Variants in R3HDM4 observed in about 807,000 individuals in gnomAD.
R3HDM4 encodes R3H domain-containing protein 4.
Under a neutral mutation model 31.3 loss-of-function variants are expected in R3HDM4, and 30 were observed. That is an observed-to-expected ratio of 0.96 (90% CI 0.72 to 1.30). The LOEUF (loss-of-function observed/expected upper bound fraction) is 1.30. Among genes scored for constraint, R3HDM4 ranks in the 50% most tolerant of loss-of-function variants. R3HDM4 has a pLI of 0.00. For missense variants in R3HDM4, 444 were observed against 366.1 expected (o/e 1.21, Z -1.74); for synonymous variants, 196 against 156.6 (o/e 1.25, Z -1.88).
At position 899,498 on chromosome 19, in the gene R3HDM4, G is replaced by A. The variant is rs2036794081; in HGVS notation, c.648-3C>T. The A allele has an allele frequency of 6.2e-7, 1 of 1,613,674 alleles. No individual in the cohort carries two copies. The highest frequency in any genetic ancestry group is 1.3e-5 in the African/African-American group (1 of 75,040). ...CGTGCAGCAGAAGCCTCTCGAAGCT[G>A]TGGGGAACGGGCAGTGAGCGCCGTG... On this transcript the variant is annotated splice_region_variant and splice_polypyrimidine_tract_variant and intron_variant, in intron 6 of 7. Coordinates refer to ENST00000361574, the MANE Select transcript of R3HDM4 (RefSeq NM_138774.4). This position sits in a 1 kb window ranked among gnomAD's most constrained non-coding sequence, Gnocchi z 6.8.
At position 900,944 on chromosome 19, in the gene R3HDM4, G is replaced by C. The variant is rs763841443; in HGVS notation, c.360C>G (p.Asn120Lys). 6.3e-7 allele frequency: 1 copy of C among 1,598,542 alleles called. No homozygotes were observed. The highest frequency in any genetic ancestry group is 1.1e-5 in the South Asian group (1 of 89,820). The change falls in exon 4 of 8, where the codon AAC becomes AAG. Residue 120 changes from asparagine (N) to lysine (K), a missense_variant. Coordinates refer to ENST00000361574, the MANE Select transcript of R3HDM4 (RefSeq NM_138774.4). ...CCTCCCCGGAGCGGTTCATGAAATC[G>C]TTCCAGACCTGGAAGAGAGGCAGGG... The part of the protein sequence containing the change: ...CNNATYVEVW[N>K]DFMNRSGEEQ...
rs143523549 is a variant in R3HDM4 at position 909,612 on chromosome 19, A to G, written c.71+3475T>C. Among the ~76,000 whole-genome samples the G allele has an allele frequency of 7.7e-3, 1,173 of 152,098 alleles. 15 individuals are homozygous for G. The highest frequency in any genetic ancestry group is 0.025 in the African/African-American group (1,055 of 41,510). ...GGAGTTTGAGACCAGCCTGACCAAC[A>G]TAGTGAAACCCCGTCTCTACTAAAA... On this transcript the variant is annotated intron_variant, in intron 1 of 7. Coordinates refer to ENST00000361574, the MANE Select transcript of R3HDM4 (RefSeq NM_138774.4).
chr19:905,522 A>C (rs11881801), intron 1 of R3HDM4, among the ~76,000 whole-genome samples: 4 of 128,778 alleles, frequency 3.1e-5, no homozygotes, highest in Admixed American at 2.4e-4. Flanking sequence ...AAAAAAAAAA[A>C]CAAAACAAAA....
chr19:911,727 G>C (rs956368671), intron 1 of R3HDM4, among the ~76,000 whole-genome samples: 1 of 152,098 alleles, frequency 6.6e-6, no homozygotes, highest in African/African-American at 2.4e-5. Flanking sequence ...GCGCACCCTG[G>C]GTCCCCGGGT....
At chr19:901,345 G>A (rs113624127) in intron 3 of R3HDM4, 77 bp downstream of exon 3, 14 of 1,487,596 alleles carry the variant, frequency 9.4e-6, no homozygotes, top group African/African-American at 4.1e-5. Context: ...GCGGGGGACG[G>A]GCACAGGCGA....
chr19:900,636 G>A (rs1172947008), intron 4 of R3HDM4, among the ~76,000 whole-genome samples, 193 bp downstream of exon 4: 1 of 12,890 alleles, frequency 7.8e-5, no homozygotes, highest in Non-Finnish European at 1.5e-4. Flanking sequence ...GCCCCCCATC[G>A]CGGCCCCACC....
Position 901,558 on chromosome 19 carries a change from C to G in R3HDM4, c.227-12G>C. On this transcript the variant is annotated splice_polypyrimidine_tract_variant and intron_variant, in intron 2 of 7. Coordinates refer to ENST00000361574, the MANE Select transcript of R3HDM4 (RefSeq NM_138774.4). ...CAGGAGGTACTGGGCTAGGTGGAAA[C>G]AGATGCTCTCTGGGCCGGGGTGGCA... The G allele has an allele frequency of 6.3e-7, 1 of 1,596,898 alleles. No individual in the cohort carries two copies. Among genetic ancestry groups the G allele is most frequent in the Non-Finnish European group, 8.5e-7 (1 of 1,175,056 alleles).
Position 912,963 on chromosome 19 carries a change from G to C in R3HDM4, c.71+124C>G, listed in dbSNP as rs1371392741. ...GCCCCGGAAGATGAGCAACGGGAGC[G>C]AGGGGAACGAAGGGAACGAGGGGAG... On this transcript the variant is annotated intron_variant, in intron 1 of 7. Coordinates refer to ENST00000361574, the MANE Select transcript of R3HDM4 (RefSeq NM_138774.4). The C allele has an allele frequency of 4.5e-5, 12 of 269,596 alleles. 1 individual carries two copies. The South Asian group carries it at 1.5e-3, about 35-fold the overall frequency. The allele number at this position is 269,596 out of a possible 1,614,324, so 16.7% of individuals were successfully genotyped here. A position where few individuals can be genotyped will look rare whatever the true frequency, so the allele number is the denominator to read the frequency against.
In R3HDM4 at chr19:900,824, C is replaced by G; in HGVS notation, c.475+5G>C. On this transcript the variant is annotated splice_donor_5th_base_variant and intron_variant, in intron 4 of 7. Transcript: ENST00000361574. ...CACCCATACCCGCCCCAGCCAGGCC[C>G]GCACCTCTCCTCCGGTCCTCCCCAC... 3 of 1,536,778 alleles carry G rather than the reference C, an allele frequency of 2.0e-6. No individual in the cohort carries two copies. Among genetic ancestry groups the G allele is most frequent in the Non-Finnish European group, 8.8e-7 (1 of 1,142,304 alleles).
intron 3 of R3HDM4, chr19:901,186 A>G (rs929514717): frequency 3.0e-6 from 2 of 659,502 alleles, no homozygotes; most frequent in Non-Finnish European, 5.0e-6. Flanking sequence ...CACTCCTGCA[A>G]TCGTTGGAGG....
At chr19:910,977 C>T (rs917400011) in intron 1 of R3HDM4, among the ~76,000 whole-genome samples, 2 of 151,426 alleles carry the variant, frequency 1.3e-5, no homozygotes, top group Non-Finnish European at 1.5e-5. Context: ...AAAAATTAGC[C>T]GGGCGCGGTG....
chr19:910,453 A>G (rs1471498436), intron 1 of R3HDM4, among the ~76,000 whole-genome samples: 1 of 151,620 alleles, frequency 6.6e-6, no homozygotes, highest in African/African-American at 2.4e-5. Context: ...TGGGTGATAG[A>G]GTGAGACCCT....
In R3HDM4 at chr19:902,023, AG is replaced by A; in HGVS notation, c.178del (p.Leu60SerfsTer21). 1 of 1,613,864 alleles carries A rather than the reference AG, an allele frequency of 6.2e-7. No homozygotes were observed. The highest frequency in any genetic ancestry group is 8.5e-7 in the Non-Finnish European group (1 of 1,180,002). On this transcript the variant is annotated frameshift_variant, in exon 2 of 8. Coordinates refer to ENST00000361574, the MANE Select transcript of R3HDM4 (RefSeq NM_138774.4). LOFTEE classifies it high-confidence loss of function. ...FINQAVRNSD[L>X]VPKAKGRKSL... Reference sequence around the variant, plus strand: ...CTTCCGCCCCTTGGCCTTGGGCACGAGGTCTGAGTTCCGCACTGCCTGGTTG... The same window carrying A: ...CTTCCGCCCCTTGGCCTTGGGCACGAGTCTGAGTTCCGCACTGCCTGGTTG...
chr19:901,457 A>G lies in R3HDM4; in HGVS notation c.316T>C (p.Phe106Leu). The change falls in exon 3 of 8, where the codon TTT becomes CTT. Residue 106 changes from phenylalanine (F) to leucine (L), a missense_variant. Coordinates refer to ENST00000361574, the MANE Select transcript of R3HDM4 (RefSeq NM_138774.4). Reference protein sequence around the residue: ...DLAPPASPGIFAEACNNATYV... With the variant: ...DLAPPASPGILAEACNNATYV... Reference sequence around the variant, plus strand: ...GTGGCGTTGTTGCAGGCCTCGGCAAAGATGCCTGGTGATGCAGGGGGTGCC... The same window carrying G: ...GTGGCGTTGTTGCAGGCCTCGGCAAGGATGCCTGGTGATGCAGGGGGTGCC... 6.2e-7 allele frequency: 1 copy of G among 1,609,270 alleles called. No homozygotes were observed. The highest frequency in any genetic ancestry group is 8.5e-7 in the Non-Finnish European group (1 of 1,179,636).
chr19:904,006 G>A (rs184503707), intron 1 of R3HDM4, among the ~76,000 whole-genome samples: 3 of 151,984 alleles, frequency 2.0e-5, no homozygotes, highest in Non-Finnish European at 2.9e-5. Flanking sequence ...AGCCGAGATC[G>A]TGCCACTGCG....
At position 897,519 on chromosome 19, in the gene R3HDM4, C is replaced by T. The variant is rs61745572; in HGVS notation, c.725G>A (p.Arg242Gln). 1.8e-3 allele frequency: 2,981 copies of T among 1,612,698 alleles called. 11 individuals are homozygous for T. The highest frequency in any genetic ancestry group is 1.9e-3 in the Non-Finnish European group (2,263 of 1,179,566). Residue 242 changes from arginine to glutamine, a missense_variant, in exon 8 of 8, where the codon CGG becomes CAG. Coordinates refer to ENST00000361574, the MANE Select transcript of R3HDM4 (RefSeq NM_138774.4). ...ISASADLEGK[R>Q]QMKVSNRHLD... ...GTGCCGATTACTGACCTTCATCTGC[C>T]GCTTCCCCTCCAGGTCAGCACCTGC...
chr19:910,864 A>G (rs1168359094), intron 1 of R3HDM4, among the ~76,000 whole-genome samples: 5 of 152,332 alleles, frequency 3.3e-5, no homozygotes, highest in South Asian at 2.1e-4. Flanking sequence ...TCACGCCTGT[A>G]ATCCCAGCAC....
At chr19:903,806 T>C (rs1178885601) in intron 1 of R3HDM4, among the ~76,000 whole-genome samples, 1 of 151,726 alleles carries the variant, frequency 6.6e-6, no homozygotes, top group Non-Finnish European at 1.5e-5. Context: ...ATCCCAGCAC[T>C]TTGGGAGGCC....
chr19:899,388 T>G lies in R3HDM4; in HGVS notation c.703+52A>C. The G allele has an allele frequency of 7.8e-6, 12 of 1,539,614 alleles. No homozygotes were observed. Among genetic ancestry groups the G allele is most frequent in the Non-Finnish European group, 1.1e-5 (12 of 1,127,292 alleles). On this transcript the variant is annotated intron_variant, in intron 7 of 7. Coordinates refer to ENST00000361574, the MANE Select transcript of R3HDM4 (RefSeq NM_138774.4). This position sits in a 1 kb window ranked among gnomAD's most constrained non-coding sequence, Gnocchi z 6.8. ...ACCAGGCCCCTGGGACCCTGGCCAC[T>G]TTCCCAGGTTGAGCTGGCCAACTTG...
Sources: gnomAD v4.1 joint callset for allele counts (sites outside exome capture counted in the v4.1 genomes callset) on GRCh38, gnomAD v4.1.1 for gene constraint, Gnocchi (gnomAD v3.1) non-coding constraint, MANE v1.5 for transcripts, NCBI Gene and HGNC (gene_info 2026-07-23, HGNC 2026-07-21) for gene names.